PFKL: variants seen among roughly 807,000 people sequenced by gnomAD.
PFKL encodes phosphofructokinase, liver type.
In PFKL, 74 loss-of-function variants were observed where a neutral mutation model predicts 92.1. The observed-to-expected ratio is 0.80, with a 90% CI of 0.67 to 0.97. The LOEUF (loss-of-function observed/expected upper bound fraction) is 0.97, where lower values mean the gene tolerates loss of function less well. PFKL is among the 50% of genes least tolerant of loss of function. The pLI is 0.00. For synonymous variants in PFKL, 494 were observed against 456.4 expected, an observed-to-expected ratio of 1.08 and a Z score of -1.05; for missense variants, 1,028 against 1,116.6, an observed-to-expected ratio of 0.92 and a Z score of 1.13.
rs201708626 is a variant in PFKL, at chr21:44,316,420, A to G, written c.844-12A>G. 2 of 1,612,530 alleles carry G rather than the reference A, an allele frequency of 1.2e-6. No homozygotes were observed. Among genetic ancestry groups the G allele is most frequent in the African/African-American group, 2.7e-5 (2 of 75,006 alleles). On this transcript the variant is annotated splice_polypyrimidine_tract_variant and intron_variant, in intron 8 of 21. Transcript: ENST00000349048. ...CTGGGGCTCAGGGCTGGTCCTTCCC[A>G]CTGTCCTGCAGCTGGTGGTTCAGAG...
In PFKL at chr21:44,326,791, A is replaced by G. The variant is rs1235822454; in HGVS notation, c.2272A>G (p.Met758Val). The change falls in exon 22 of 22, where the codon ATG (methionine) becomes GTG (valine). Residue 758 changes from methionine (M) to valine (V), a missense_variant. Met to Val is a conservative substitution (Grantham distance 21). Coordinates refer to ENST00000349048, the MANE Select transcript of PFKL (RefSeq NM_002626.6). Reference sequence around the variant, plus strand: ...GATGCTGGCACAATACCGCATCAGTATGGCCGCCTACGTGTCAGGGGAGCT... The same window carrying G: ...GATGCTGGCACAATACCGCATCAGTGTGGCCGCCTACGTGTCAGGGGAGCT... ...LKMLAQYRIS[M>V]AAYVSGELEH... The G allele has an allele frequency of 6.2e-7, 1 of 1,609,632 alleles. No individual in the cohort carries two copies. The highest frequency in any genetic ancestry group is 1.3e-5 in the African/African-American group (1 of 74,826).
intron 3 of PFKL, among the ~76,000 whole-genome samples, chr21:44,311,314 G>A (rs1302373203): frequency 7.0e-6 from 1 of 143,474 alleles, no homozygotes; most frequent in African/African-American, 2.8e-5. Flanking sequence ...ACAGACACGT[G>A]CACAGACACA....
At chr21:44,306,410 C>T (rs1308396424) in intron 1 of PFKL, among the ~76,000 whole-genome samples, 1 of 152,190 alleles carries the variant, frequency 6.6e-6, no homozygotes, top group African/African-American at 2.4e-5. Context: ...AGGGCTGGTC[C>T]TCAAGTTTCC....
rs772711601 is a variant in PFKL at position 44,322,129 on chromosome 21, G to A, written c.1339-4G>A. 6.2e-7 allele frequency: 1 copy of A among 1,604,500 alleles called. No homozygotes were observed. Among genetic ancestry groups the A allele is most frequent in the Admixed American group, 1.7e-5 (1 of 59,682 alleles). On this transcript the variant is annotated splice_region_variant and splice_polypyrimidine_tract_variant and intron_variant, in intron 13 of 21. Coordinates refer to ENST00000349048, the MANE Select transcript of PFKL (RefSeq NM_002626.6). ...GCCCCTGAAGCTGCATCTCCTCCTG[G>A]CAGGTGCAAGAAGTAGGCTGGCACG...
intron 2 of PFKL, 61 bp downstream of exon 2, chr21:44,306,815 G>A (rs916357851): frequency 1.3e-5 from 19 of 1,424,316 alleles, no homozygotes; most frequent in Non-Finnish European, 1.9e-5. Flanking sequence ...CGCATGCCGA[G>A]GTGTGTTCTG....
chr21:44,309,589 T>C (rs1053989417), intron 2 of PFKL, among the ~76,000 whole-genome samples: 1 of 152,224 alleles, frequency 6.6e-6, no homozygotes. Flanking sequence ...CATACCTGCC[T>C]GCCCCTCCGC....
At chr21:44,308,801 A>C (rs2146439563) in intron 2 of PFKL, among the ~76,000 whole-genome samples, 1 of 151,984 alleles carries the variant, frequency 6.6e-6, no homozygotes, top group South Asian at 2.1e-4. Context: ...GCCTCTGGTG[A>C]TCCACCCGCC....
chr21:44,311,301 GACACAGACACGTGCACAGACAC>G (rs960717447), intron 3 of PFKL, among the ~76,000 whole-genome samples: 2 of 147,408 alleles, frequency 1.4e-5, no homozygotes, highest in African/African-American at 5.1e-5. Context: ...GGCGCGCACA[GACACAGACACGTGCACAGACAC>G]ACACAGACAT....
intron 1 of PFKL, chr21:44,305,758 C>T (rs769423855): frequency 2.2e-6 from 3 of 1,361,750 alleles, no homozygotes; most frequent in South Asian, 1.1e-5. Context: ...TTAGCACCAG[C>T]GTTTCCTGAG....
Position 44,305,317 on chromosome 21 carries a change from G to A in PFKL, c.86-1364G>A, listed in dbSNP as rs117846062. 3,941 of 1,365,308 alleles carry A rather than the reference G, an allele frequency of 2.9e-3. 6 individuals carry two copies. The highest frequency in any genetic ancestry group is 3.5e-3 in the Non-Finnish European group (3,550 of 1,021,456). 84.6% of individuals were successfully genotyped at this position (1,365,308 alleles called of 1,614,324 possible). ...TGAGCCCCACGCCAAGCTGGAGAGC[G>A]GATGAGAAGCATGTGTAACCAGGGT... On this transcript the variant is annotated intron_variant, in intron 1 of 21. Coordinates refer to ENST00000349048, the MANE Select transcript of PFKL (RefSeq NM_002626.6).
At chr21:44,320,062 G>A in intron 11 of PFKL, 22 bp from the exon 12 acceptor site, 3 of 1,611,332 alleles carry the variant, frequency 1.9e-6, no homozygotes, top group South Asian at 2.2e-5. Flanking sequence ...GCTGTGCATG[G>A]TGTGACCCGA....
intron 12 of PFKL, chr21:44,320,906 A>G (rs911371088): frequency 1.3e-5 from 2 of 152,284 alleles, no homozygotes; most frequent in African/African-American, 4.8e-5. Context: ...CGGGGCAGAC[A>G]GCGTGGCCCA....
Position 44,318,590 on chromosome 21 carries a change from C to T in PFKL, c.1057C>T (p.Gln353Ter). 2 of 1,511,006 alleles carry T rather than the reference C, an allele frequency of 1.3e-6. No individual in the cohort carries two copies. The highest frequency in any genetic ancestry group is 1.4e-5 in the African/African-American group (1 of 71,492). 93.6% of individuals were successfully genotyped at this position (1,511,006 alleles called of 1,614,324 possible). The change falls in exon 10 of 22, where the codon CAG becomes TAG. Residue 353 changes from glutamine (Q) to a stop codon, truncating the protein, a stop_gained. Transcript: ENST00000349048. LOFTEE classifies it high-confidence loss of function. ...GCGGCTGCCCCTCATGGAGTGCGTG[C>T]AGATGGTAAGCCCTGGGCCCCCCCC... ...SVRLPLMECV[Q>*]MTKEVQKAMD...
At chr21:44,304,867 C>T (rs1231891873) in intron 1 of PFKL, among the ~76,000 whole-genome samples, 1 of 152,084 alleles carries the variant, frequency 6.6e-6, no homozygotes, top group African/African-American at 2.4e-5. Flanking sequence ...AGCAGCCGTG[C>T]TCCCATCTAT....
At chr21:44,305,871 A>G in intron 1 of PFKL, 1 of 1,366,002 alleles carries the variant, frequency 7.3e-7, no homozygotes, top group Admixed American at 1.9e-5. Flanking sequence ...GCCGAGGGCA[A>G]GGGGACAGGA....
chr21:44,304,314 T>C, intron 1 of PFKL: 1 of 1,288,930 alleles, frequency 7.8e-7, no homozygotes, highest in Non-Finnish European at 1.0e-6. Flanking sequence ...CTGAGATGGC[T>C]GTGACCCTGG....
Position 44,321,869 on chromosome 21 carries a change from G to A in PFKL, c.1332G>A (p.Lys444=). 1 of 1,537,508 alleles carries A rather than the reference G, an allele frequency of 6.5e-7. No individual in the cohort carries two copies. Among genetic ancestry groups the A allele is most frequent in the Non-Finnish European group, 8.8e-7 (1 of 1,139,446 alleles). The change falls in exon 13 of 22, where the codon AAG becomes AAA. Residue 444 remains lysine, a synonymous_variant. Coordinates refer to ENST00000349048, the MANE Select transcript of PFKL (RefSeq NM_002626.6). ...ACGATGGCTTCGAAGGCCTAGCCAA[G>A]GGTCAGGTGGGTCCGGCCGGGGCAA... ...VVHDGFEGLA[K]GQVQEVGWHD... is the part of the protein sequence containing the mutation.
intron 1 of PFKL, chr21:44,305,352 G>C (rs1489794976): frequency 2.9e-6 from 4 of 1,365,932 alleles, no homozygotes; most frequent in Non-Finnish European, 3.9e-6. Flanking sequence ...TAGAGGTCGA[G>C]AGTCCTCTCG....
chr21:44,302,453 C>G (rs1297862297), intron 1 of PFKL, among the ~76,000 whole-genome samples: 1 of 152,166 alleles, frequency 6.6e-6, no homozygotes, highest in Non-Finnish European at 1.5e-5. Context: ...AAGCAGTCTG[C>G]AGGGCTCTCC....
Sources: gnomAD v4.1 joint callset for allele counts (sites outside exome capture counted in the v4.1 genomes callset) on GRCh38, gnomAD v4.1.1 for gene constraint, MANE v1.5 for transcripts, NCBI Gene and HGNC (gene_info 2026-07-23, HGNC 2026-07-21) for gene names.